The following MGMT variants were observed in gnomAD, a reference collection of about 807,000 sequenced individuals.
MGMT encodes methylated-DNA--protein-cysteine methyltransferase.
MGMT carries 14 observed loss-of-function variants against 15.9 expected under a neutral mutation model. That is an observed-to-expected ratio of 0.88 (90% CI 0.58 to 1.37). MGMT has a LOEUF of 1.37. Ranked by LOEUF, MGMT falls within the 40% of genes most tolerant of loss-of-function variation. MGMT has a pLI of 0.00. For missense variants in MGMT, 282 were observed against 268.1 expected (o/e 1.05, Z -0.36); for synonymous variants, 130 against 118.2 (o/e 1.10, Z -0.65).
At chr10:129,543,437 C>G (rs1846066471) in intron 2 of MGMT, among the ~76,000 whole-genome samples, 1 of 152,160 alleles carries the variant, frequency 6.6e-6, no homozygotes, top group South Asian at 2.1e-4. Flanking sequence ...CCATCCACCC[C>G]AGGACAGAGC....
chr10:129,564,876 C>T (rs543615318), intron 2 of MGMT, among the ~76,000 whole-genome samples: 55 of 152,106 alleles, frequency 3.6e-4, no homozygotes, highest in African/African-American at 1.0e-3. Flanking sequence ...TGAGCAGAAC[C>T]GCCCCTCCCA....
At chr10:129,651,411 GAAAA>G (rs562204201) in intron 2 of MGMT, among the ~76,000 whole-genome samples, 1 of 145,888 alleles carries the variant, frequency 6.9e-6, no homozygotes, top group Admixed American at 6.8e-5. Context: ...TTTTTTTTAA[GAAAA>G]AAAAAAGCAT....
intron 2 of MGMT, among the ~76,000 whole-genome samples, chr10:129,539,883 A>G (rs553019575): frequency 3.9e-5 from 6 of 152,296 alleles, no homozygotes; most frequent in South Asian, 2.1e-4. Flanking sequence ...TTTGGCTTCT[A>G]TGTCTCTTAA....
intron 3 of MGMT, among the ~76,000 whole-genome samples, chr10:129,754,210 A>T (rs983032508): frequency 6.6e-6 from 1 of 152,084 alleles, no homozygotes; most frequent in Non-Finnish European, 1.5e-5. Context: ...TGCTTCCATG[A>T]ACTCCTTTTC....
At chr10:129,527,915 G>A (rs916126273) in intron 1 of MGMT, among the ~76,000 whole-genome samples, 4 of 151,732 alleles carry the variant, frequency 2.6e-5, no homozygotes, top group South Asian at 2.1e-4. Context: ...TTGCCTGTGC[G>A]CACCTGCCTG....
chr10:129,702,449 G>T (rs1848110179), intron 2 of MGMT, among the ~76,000 whole-genome samples: 1 of 152,214 alleles, frequency 6.6e-6, no homozygotes, highest in South Asian at 2.1e-4. Context: ...GACACGTGAT[G>T]TCCTAGGAGA....
rs904496353 is a variant in MGMT at position 129,556,200 on chromosome 10, G to T, written c.125+19823G>T. On this transcript the variant is annotated intron_variant, in intron 2 of 4. Coordinates refer to ENST00000651593, the MANE Select transcript of MGMT (RefSeq NM_002412.5). This position sits in a 1 kb window ranked among gnomAD's most constrained non-coding sequence, Gnocchi z 4.3. ...CAGTGCTTTCGGGATCGCTCTGTTG[G>T]TCTCTGTGTAGCACGTGGCCCCCAA... 1.3e-5 allele frequency among the ~76,000 whole-genome samples: 2 copies of T among 152,172 alleles called. No homozygotes were observed. Among genetic ancestry groups the T allele is most frequent in the Admixed American group, 6.5e-5 (1 of 15,284 alleles).
chr10:129,592,147 G>A (rs1026160777), intron 2 of MGMT, among the ~76,000 whole-genome samples: 2 of 152,058 alleles, frequency 1.3e-5, no homozygotes, highest in Non-Finnish European at 1.5e-5. Flanking sequence ...TTTTTTCCTG[G>A]AATACCATTT....
At chr10:129,724,462 G>T (rs1277891265) in intron 3 of MGMT, among the ~76,000 whole-genome samples, 1 of 152,144 alleles carries the variant, frequency 6.6e-6, no homozygotes, top group African/African-American at 2.4e-5. Flanking sequence ...ATCTTAACAG[G>T]TTAGGTCACA....
intron 2 of MGMT, among the ~76,000 whole-genome samples, chr10:129,612,645 T>C (rs1846975189): frequency 6.6e-6 from 1 of 152,186 alleles, no homozygotes; most frequent in Admixed American, 6.5e-5. Flanking sequence ...CGGAAGAAAC[T>C]GTGCTCCTCC....
At chr10:129,546,345 A>G (rs1319190712) in intron 2 of MGMT, among the ~76,000 whole-genome samples, 2 of 152,200 alleles carry the variant, frequency 1.3e-5, no homozygotes, top group Non-Finnish European at 2.9e-5. Context: ...ACAGAGCTGA[A>G]TGGGGCTGAC....
At chr10:129,759,143 A>G (rs973095205) in intron 3 of MGMT, 59 bp from the exon 4 acceptor site, 18 of 1,602,686 alleles carry the variant, frequency 1.1e-5, no homozygotes, top group African/African-American at 8.0e-5. Flanking sequence ...GTGGCTATTT[A>G]TATCAGAGCT....
At position 129,770,346 on chromosome 10, in the gene MGMT, C is replaced by A. The variant is rs997118923; in HGVS notation, c.*3349C>A. The stretch of plus-strand genomic sequence containing the variant: ...CTGGAGCCCTGTGGAGTGGCGGACT[C>A]TGGGGAGTAGCTGGTCAGTGAGATT... On this transcript the variant is annotated 3_prime_UTR_variant, in exon 5 of 5. Transcript: ENST00000651593. Among the ~76,000 whole-genome samples, 6 of 152,218 alleles carry A rather than the reference C, an allele frequency of 3.9e-5. No homozygotes were observed. The highest frequency in any genetic ancestry group is 1.5e-5 in the Non-Finnish European group (1 of 68,040).
chr10:129,595,267 C>A (rs1846737950), intron 2 of MGMT, among the ~76,000 whole-genome samples: 1 of 152,192 alleles, frequency 6.6e-6, no homozygotes, highest in Non-Finnish European at 1.5e-5. Flanking sequence ...CCCCTGCCAT[C>A]AGTGGGCATC....
At chr10:129,742,000 G>C (rs1305864836) in intron 3 of MGMT, among the ~76,000 whole-genome samples, 1 of 152,214 alleles carries the variant, frequency 6.6e-6, no homozygotes, top group Non-Finnish European at 1.5e-5. Context: ...AGGGCTCACT[G>C]AGGGGCTCTG....
chr10:129,534,931 C>T (rs987552080), intron 1 of MGMT, among the ~76,000 whole-genome samples: 3 of 152,132 alleles, frequency 2.0e-5, no homozygotes, highest in African/African-American at 7.2e-5. Context: ...CACACTGCCT[C>T]TGTCACAACT....
intron 2 of MGMT, among the ~76,000 whole-genome samples, chr10:129,602,357 C>T (rs1401805663): frequency 1.3e-5 from 2 of 152,040 alleles, no homozygotes; most frequent in Admixed American, 1.3e-4. Flanking sequence ...GGTACGTGAG[C>T]TTAAAATTAA....
chr10:129,737,017 G>T (rs999110832), intron 3 of MGMT, among the ~76,000 whole-genome samples: 4 of 152,102 alleles, frequency 2.6e-5, no homozygotes, highest in African/African-American at 9.7e-5. Flanking sequence ...CAACTTTGGT[G>T]AATCTGACAA....
At chr10:129,548,977 G>A (rs1011011051) in intron 2 of MGMT, among the ~76,000 whole-genome samples, 1 of 152,200 alleles carries the variant, frequency 6.6e-6, no homozygotes, top group East Asian at 1.9e-4. Flanking sequence ...CCCTGTGGTG[G>A]CATTTTCTAT....
Sources: allele counts gnomAD v4.1 joint callset (sites outside exome capture counted in the v4.1 genomes callset), GRCh38; gene constraint gnomAD v4.1.1; non-coding constraint Gnocchi (gnomAD v3.1); transcripts MANE v1.5; gene names NCBI Gene and HGNC (gene_info 2026-07-23, HGNC 2026-07-21).